SYT1: variants seen among roughly 807,000 people sequenced by gnomAD.
SYT1 encodes the protein synaptotagmin 1.
A neutral mutation model predicts 44.8 loss-of-function variants in SYT1; 8 were observed. That is an observed-to-expected ratio of 0.18 (90% CI 0.10 to 0.32). SYT1 has a LOEUF of 0.32. Ranked by LOEUF, SYT1 falls within the 10% of genes least tolerant of loss-of-function variation. The probability of loss-of-function intolerance (pLI) is 1.00; values close to 1 mark genes in which losing one functional copy is unlikely to be tolerated. For missense variants in SYT1, 286 were observed against 509.3 expected, an observed-to-expected ratio of 0.56 and a Z score of 4.22; for synonymous variants, 154 against 188.8, an observed-to-expected ratio of 0.82 and a Z score of 1.51.
chr12:79,218,880 G>T (rs961608903), intron 4 of SYT1, among the ~76,000 whole-genome samples: 2 of 152,114 alleles, frequency 1.3e-5, no homozygotes, highest in African/African-American at 4.8e-5. Flanking sequence ...TACATACCGG[G>T]TAGTAGGATT....
intron 3 of SYT1, among the ~76,000 whole-genome samples, chr12:79,111,849 G>C (rs887906571): frequency 3.9e-5 from 6 of 151,962 alleles, no homozygotes; most frequent in African/African-American, 1.4e-4. Flanking sequence ...AGGCCTTCCT[G>C]TCATGTACCT....
chr12:78,866,291 G>C (rs1873540263), intron 1 of SYT1, among the ~76,000 whole-genome samples: 1 of 152,126 alleles, frequency 6.6e-6, no homozygotes, highest in Non-Finnish European at 1.5e-5. Flanking sequence ...ATGTAAACAT[G>C]ATGTTTATAC....
At chr12:79,258,959 GA>G (rs1346143613) in intron 4 of SYT1, among the ~76,000 whole-genome samples, 1 of 152,182 alleles carries the variant, frequency 6.6e-6, no homozygotes, top group Non-Finnish European at 1.5e-5. Flanking sequence ...TGGAGATGGG[GA>G]CAAGAAGAAA....
At chr12:79,154,456 C>T (rs1017739529) in intron 3 of SYT1, among the ~76,000 whole-genome samples, 1 of 150,992 alleles carries the variant, frequency 6.6e-6, no homozygotes, top group African/African-American at 2.4e-5. Context: ...AAGTTAAATA[C>T]CTTGACAAGG....
chr12:79,314,222 G>A (rs1039282679), intron 8 of SYT1, among the ~76,000 whole-genome samples: 1 of 151,242 alleles, frequency 6.6e-6, no homozygotes, highest in Admixed American at 6.6e-5. Context: ...AAAAACATTG[G>A]TCAGAGCCCT....
At chr12:79,359,058 C>A (rs1437750503) in intron 9 of SYT1, among the ~76,000 whole-genome samples, 1 of 152,178 alleles carries the variant, frequency 6.6e-6, no homozygotes, top group Admixed American at 6.5e-5. Context: ...TTCCCTGAAG[C>A]TAGCACCTAA....
At chr12:79,297,050 C>T (rs894715531) in intron 7 of SYT1, among the ~76,000 whole-genome samples, 4 of 152,164 alleles carry the variant, frequency 2.6e-5, no homozygotes, top group African/African-American at 9.7e-5. Flanking sequence ...CGTCCATCAG[C>T]CAGGCTTAGC....
At chr12:78,877,431 T>C (rs1874233177) in intron 1 of SYT1, among the ~76,000 whole-genome samples, 1 of 151,698 alleles carries the variant, frequency 6.6e-6, no homozygotes, top group African/African-American at 2.4e-5. Flanking sequence ...AGATGATATC[T>C]GGGTGGGGAC....
At chr12:78,964,345 A>T (rs758243386) in intron 1 of SYT1, among the ~76,000 whole-genome samples, 2 of 152,292 alleles carry the variant, frequency 1.3e-5, no homozygotes, top group Non-Finnish European at 1.5e-5. Flanking sequence ...CTTATATTTC[A>T]TAATCATGTA....
Position 78,928,062 on chromosome 12 carries a change from G to A in SYT1, c.-216-49737G>A, listed in dbSNP as rs180811347. Among the ~76,000 whole-genome samples the A allele has an allele frequency of 2.0e-5, 3 of 152,216 alleles. No homozygotes were observed. The East Asian group carries it at 5.8e-4, about 29-fold the overall frequency. On this transcript the variant is annotated intron_variant, in intron 1 of 10. Transcript: ENST00000261205. ...TGTAAGAAATATGCTGCTATTATAG[G>A]ATAGGGAGAGAGATAACTTAGAAAG... is the stretch of plus-strand genomic sequence containing the variant.
intron 4 of SYT1, among the ~76,000 whole-genome samples, chr12:79,229,722 T>C (rs1875749673): frequency 6.6e-6 from 1 of 152,022 alleles, no homozygotes; most frequent in South Asian, 2.1e-4. Context: ...GTCTCCCAAG[T>C]AGCTGGGATT....
chr12:79,284,290 G>GT (rs1879193804), intron 4 of SYT1, among the ~76,000 whole-genome samples: 1 of 151,976 alleles, frequency 6.6e-6, no homozygotes, highest in Non-Finnish European at 1.5e-5. Context: ...AGAGACAACT[G>GT]TAATAGAAAA....
intron 1 of SYT1, among the ~76,000 whole-genome samples, chr12:78,976,849 A>T (rs1868875787): frequency 6.6e-6 from 1 of 152,198 alleles, no homozygotes; most frequent in African/African-American, 2.4e-5. Context: ...ATTGGTCTAC[A>T]GGATTCAGCT....
rs531925595 is a variant in SYT1, at chr12:79,081,278, G to A, written c.-18+33916G>A. Reference sequence around the variant, plus strand: ...CAGAGTAGGCCATATACCTATGAACGTTTTAACGCTCATGTATAAAATCTA... The same window carrying A: ...CAGAGTAGGCCATATACCTATGAACATTTTAACGCTCATGTATAAAATCTA... On this transcript the variant is annotated intron_variant, in intron 3 of 10. Coordinates refer to ENST00000261205, the MANE Select transcript of SYT1 (RefSeq NM_005639.3). Among the ~76,000 whole-genome samples the A allele has an allele frequency of 9.9e-5, 15 of 151,942 alleles. 1 individual carries two copies. In the South Asian group the frequency reaches 1.0e-3, roughly 11 times the overall value.
At chr12:79,271,625 A>G (rs1878430975) in intron 4 of SYT1, among the ~76,000 whole-genome samples, 1 of 152,204 alleles carries the variant, frequency 6.6e-6, no homozygotes, top group South Asian at 2.1e-4. Context: ...CACATAGTAG[A>G]TGCTCAATAA....
At chr12:79,153,613 C>G (rs1870413327) in intron 3 of SYT1, among the ~76,000 whole-genome samples, 1 of 152,190 alleles carries the variant, frequency 6.6e-6, no homozygotes, top group East Asian at 1.9e-4. Flanking sequence ...AACTATGCAG[C>G]AATGGTAACC....
At chr12:78,881,768 A>G (rs1874467990) in intron 1 of SYT1, among the ~76,000 whole-genome samples, 1 of 151,506 alleles carries the variant, frequency 6.6e-6, no homozygotes, top group African/African-American at 2.4e-5. Flanking sequence ...GGGAAAAGAT[A>G]GAAAAAAAAA....
chr12:79,390,023 C>T (rs1280386229), intron 9 of SYT1, among the ~76,000 whole-genome samples: 1 of 151,806 alleles, frequency 6.6e-6, no homozygotes, highest in African/African-American at 2.4e-5. Context: ...ATTTCTGCCT[C>T]CTGGGTTCAC....
intron 2 of SYT1, among the ~76,000 whole-genome samples, chr12:79,042,078 A>T (rs1418219872): frequency 6.7e-6 from 1 of 150,144 alleles, no homozygotes; most frequent in Admixed American, 6.6e-5. Context: ...ATATTGGTCT[A>T]AAATTCTCTT....
Sources: allele counts gnomAD v4.1 joint callset (sites outside exome capture counted in the v4.1 genomes callset), GRCh38; gene constraint gnomAD v4.1.1; transcripts MANE v1.5; gene names NCBI Gene and HGNC (gene_info 2026-07-23, HGNC 2026-07-21).